Variants in NLRP10 observed in about 807,000 individuals in gnomAD.
NLRP10 encodes the protein NLR family pyrin domain containing 10.
NLRP10 carries 7 observed loss-of-function variants against 8.2 expected under a neutral mutation model. The observed-to-expected ratio is 0.85, with a 90% confidence interval of 0.48 to 1.60. The LOEUF (loss-of-function observed/expected upper bound fraction) is 1.60. Ranked by LOEUF, NLRP10 falls within the 40% of genes most tolerant of loss-of-function variation. NLRP10 has a pLI of 0.00. For synonymous variants in NLRP10, 338 were observed against 314.0 expected (o/e 1.08, Z -0.81); for missense variants, 814 against 776.3 (o/e 1.05, Z -0.58).
rs767966692 is a variant in NLRP10, at chr11:7,960,982, T to C, written c.630A>G (p.Glu210=). Residue 210 remains glutamate (E), a synonymous_variant, in exon 3 of 3, where the codon GAA becomes GAG. Transcript: ENST00000691676. ...GTTTGCTCTCCAGCAGCAGGACCAC[T>C]TCTTTGCAGCTTACATAAAAGACAT... ...FDYVFYVSCK[E]VVLLLESKLE... 2 of 1,614,038 alleles carry C rather than the reference T, an allele frequency of 1.2e-6. No individual in the cohort carries two copies. Among genetic ancestry groups the C allele is most frequent in the African/African-American group, 2.7e-5 (2 of 74,922 alleles).
rs78633439 is a variant in NLRP10 at position 7,965,440 on chromosome 11, C to T, written c.-240G>A. Reference sequence around the variant, plus strand: ...TTCTGTTTGGTGGTGCTGGTACCTACCAGCTACAGCTTGATACCTAACAGT... The same window carrying T: ...TTCTGTTTGGTGGTGCTGGTACCTATCAGCTACAGCTTGATACCTAACAGT... On this transcript the variant is annotated 5_prime_UTR_variant, in exon 1 of 3. Coordinates refer to ENST00000691676, the MANE Select transcript of NLRP10 (RefSeq NM_001391958.1). 3,989 of 152,244 alleles carry T rather than the reference C, an allele frequency of 0.026. 89 individuals are homozygous for T. Among genetic ancestry groups the T allele is most frequent in the Non-Finnish European group, 0.038 (2,570 of 68,038 alleles). The allele number at this position is 152,244 out of a possible 1,614,324, so 9.4% of individuals were successfully genotyped here. A position where few individuals can be genotyped will look rare whatever the true frequency, so the allele number is the denominator to read the frequency against.
rs1314692569 is a variant in NLRP10 at position 7,960,917 on chromosome 11, G to A, written c.695C>T (p.Ala232Val). Residue 232 changes from alanine to valine, a missense_variant, in exon 3 of 3, where the codon GCC (alanine) becomes GTC (valine). Physicochemically the swap from Ala to Val is moderately conservative, Grantham distance 64. Coordinates refer to ENST00000691676, the MANE Select transcript of NLRP10 (RefSeq NM_001391958.1). ...CTGCCTCAGAATCTCTGTGACAGGG[G>A]CTTGATTGTCCCCGCAGCACCAGAA... ...LLFWCCGDNQ[A>V]PVTEILRQPE... The A allele has an allele frequency of 1.2e-6, 2 of 1,614,148 alleles. No homozygotes were observed. The highest frequency in any genetic ancestry group is 1.3e-5 in the African/African-American group (1 of 75,038).
At chr11:7,964,446 G>A (rs991168607) in intron 1 of NLRP10, among the ~76,000 whole-genome samples, 1 of 152,206 alleles carries the variant, frequency 6.6e-6, no homozygotes, top group African/African-American at 2.4e-5. Context: ...ATAGGAAGAG[G>A]AACCGCCACC....
In NLRP10 at chr11:7,959,703, C is replaced by T; in HGVS notation, c.1909G>A (p.Glu637Lys). The part of the protein sequence containing the change: ...GKDNIAGTQK[E>K]ASTGKGRGTE... The stretch of plus-strand genomic sequence containing the variant: ...CCTCTGCCTTTTCCAGTAGAAGCTT[C>T]CTTTTGTGTTCCTGCTATATTATCT... Residue 637 changes from glutamate to lysine, a missense_variant, in exon 3 of 3, where the codon GAA becomes AAA. Transcript: ENST00000691676. 6.3e-7 allele frequency: 1 copy of T among 1,598,792 alleles called. No homozygotes were observed. The highest frequency in any genetic ancestry group is 8.5e-7 in the Non-Finnish European group (1 of 1,176,434).
Position 7,960,236 on chromosome 11 carries a change from T to C in NLRP10, c.1376A>G (p.Lys459Arg). 2.5e-6 allele frequency: 4 copies of C among 1,614,190 alleles called. No individual in the cohort carries two copies. Among genetic ancestry groups the C allele is most frequent in the South Asian group, 1.1e-5 (1 of 91,090 alleles). ...GATGTGGCGGAAGCTGTAGAACTTCTTGATGGCAAGTCCCAATTGGTAGTC... is the reference window on the plus strand; with the variant it reads ...GATGTGGCGGAAGCTGTAGAACTTCCTGATGGCAAGTCCCAATTGGTAGTC... ...SNDYQLGLAI[K>R]KFYSFRHISF... The change falls in exon 3 of 3, where the codon AAG (lysine) becomes AGG (arginine). Residue 459 changes from lysine (K) to arginine (R), a missense_variant. Physicochemically the swap from Lys to Arg is conservative, Grantham distance 26. Transcript: ENST00000691676.
In NLRP10 at chr11:7,961,114, TG is replaced by T; in HGVS notation, c.497del (p.Pro166HisfsTer3). 1 of 1,614,120 alleles carries T rather than the reference TG, an allele frequency of 6.2e-7. No homozygotes were observed. Among genetic ancestry groups the T allele is most frequent in the East Asian group, 2.2e-5 (1 of 44,866 alleles). Reference sequence around the variant, plus strand: ...CCGACCCCTGTAGCACAACTAAGGATGGGGCCAGTGAGGGCTTTTCCCCTGA... The same window carrying T: ...CCGACCCCTGTAGCACAACTAAGGATGGGCCAGTGAGGGCTTTTCCCCTGA... ...FDSGEKPSLA[P>X]SLVVLQGSAG... On this transcript the variant is annotated frameshift_variant, in exon 3 of 3. Transcript: ENST00000691676. LOFTEE classifies it low-confidence loss of function (END_TRUNC).
Position 7,958,446 on chromosome 11 carries a change from T to C in NLRP10, c.*1198A>G, listed in dbSNP as rs1284041476. Among the ~76,000 whole-genome samples, 1 of 152,206 alleles carries C rather than the reference T, an allele frequency of 6.6e-6. No homozygotes were observed. The highest frequency in any genetic ancestry group is 1.5e-5 in the Non-Finnish European group (1 of 68,030). Reference sequence around the variant, plus strand: ...GGGGTGTCATGGTATCTTATTGTGGTTTTAGTTTGCAATTCCCTAATGACA... The same window carrying C: ...GGGGTGTCATGGTATCTTATTGTGGCTTTAGTTTGCAATTCCCTAATGACA... On this transcript the variant is annotated 3_prime_UTR_variant, in exon 3 of 3. Transcript: ENST00000691676.
At chr11:7,964,308 G>A (rs1941783285) in intron 1 of NLRP10, among the ~76,000 whole-genome samples, 1 of 152,180 alleles carries the variant, frequency 6.6e-6, no homozygotes, top group Non-Finnish European at 1.5e-5. Context: ...GCTGTGGTAT[G>A]GCAAGAAGGT....
At position 7,957,823 on chromosome 11, in the gene NLRP10, C is replaced by A. The variant is rs185454765; in HGVS notation, c.*1821G>T. Among the ~76,000 whole-genome samples the A allele has an allele frequency of 3.7e-3, 559 of 152,300 alleles. 2 individuals carry two copies. Among genetic ancestry groups the A allele is most frequent in the African/African-American group, 0.012 (493 of 41,568 alleles). On this transcript the variant is annotated 3_prime_UTR_variant, in exon 3 of 3. Coordinates refer to ENST00000691676, the MANE Select transcript of NLRP10 (RefSeq NM_001391958.1). ...TCATGACTCCATCATTATAATATCA[C>A]ACAGAATAGTTTTACTATCCTAAAG...
In NLRP10 at chr11:7,958,047, T is replaced by G. The variant is rs144431689; in HGVS notation, c.*1597A>C. On this transcript the variant is annotated 3_prime_UTR_variant, in exon 3 of 3. Coordinates refer to ENST00000691676, the MANE Select transcript of NLRP10 (RefSeq NM_001391958.1). The stretch of plus-strand genomic sequence containing the variant: ...TCTCCATATCTTTTCATGTCTTAAT[T>G]GCTCATTTATTTTTATCACTGAATA... Among the ~76,000 whole-genome samples, 565 of 152,354 alleles carry G rather than the reference T, an allele frequency of 3.7e-3. 5 individuals are homozygous for G. The highest frequency in any genetic ancestry group is 0.013 in the African/African-American group (529 of 41,588).
chr11:7,961,668 T>A (rs1941733674), intron 2 of NLRP10, among the ~76,000 whole-genome samples: 1 of 152,204 alleles, frequency 6.6e-6, no homozygotes, highest in African/African-American at 2.4e-5. Context: ...TCTGTAAGAA[T>A]ACATGTAAGT....
At position 7,960,869 on chromosome 11, in the gene NLRP10, A is replaced by G; in HGVS notation, c.743T>C (p.Leu248Pro). Residue 248 changes from leucine (L) to proline (P), a missense_variant, in exon 3 of 3, where the codon CTG (leucine) becomes CCG (proline). Coordinates refer to ENST00000691676, the MANE Select transcript of NLRP10 (RefSeq NM_001391958.1). ...CCTCTGCAGCTCATCAAAGCCATCC[A>G]GGATGAACAGGAGCCGCTCTGGCTG... Reference protein sequence around the residue: ...LRQPERLLFILDGFDELQRPF... With the variant: ...LRQPERLLFIPDGFDELQRPF... 1 of 1,614,168 alleles carries G rather than the reference A, an allele frequency of 6.2e-7. No homozygotes were observed. The highest frequency in any genetic ancestry group is 1.1e-5 in the South Asian group (1 of 91,076).
rs865910278 is a variant in NLRP10 at position 7,960,439 on chromosome 11, G to A, written c.1173C>T (p.Thr391=). The A allele has an allele frequency of 6.2e-7, 1 of 1,614,048 alleles. No homozygotes were observed. The highest frequency in any genetic ancestry group is 8.5e-7 in the Non-Finnish European group (1 of 1,180,038). ...STDIFMAYVS[T]FLPPDDDGGC... is the part of the protein sequence containing the mutation. ...CCCCATCATCATCGGGCGGCAGAAA[G>A]GTGGAGACGTAAGCCATGAAGATGT... The change falls in exon 3 of 3, where the codon ACC becomes ACT. Residue 391 remains threonine (T), a synonymous_variant. Coordinates refer to ENST00000691676, the MANE Select transcript of NLRP10 (RefSeq NM_001391958.1).
intron 1 of NLRP10, 21 bp from the exon 2 acceptor site, chr11:7,963,561 A>T: frequency 6.8e-7 from 1 of 1,465,828 alleles, no homozygotes; most frequent in Non-Finnish European, 9.3e-7. Flanking sequence ...AGGCAAAAGG[A>T]GAGGTCCACT....
chr11:7,960,423 C>G lies in NLRP10; in HGVS notation c.1189G>C (p.Asp397His), dbSNP rs1941694937. 1 of 1,614,098 alleles carries G rather than the reference C, an allele frequency of 6.2e-7. No homozygotes were observed. Among genetic ancestry groups the G allele is most frequent in the Admixed American group, 1.7e-5 (1 of 60,032 alleles). The change falls in exon 3 of 3, where the codon GAT becomes CAT. Residue 397 changes from aspartate to histidine, a missense_variant. Asp to His is a moderately conservative substitution (Grantham distance 81). Transcript: ENST00000691676. Reference sequence around the variant, plus strand: ...GAAAGCTCGGAGCAGCCCCCATCATCATCGGGCGGCAGAAAGGTGGAGACG... The same window carrying G: ...GAAAGCTCGGAGCAGCCCCCATCATGATCGGGCGGCAGAAAGGTGGAGACG... ...AYVSTFLPPD[D>H]DGGCSELSRH...
rs148579969 is a variant in NLRP10 at position 7,959,583 on chromosome 11, AT to A, written c.*60del. The A allele has an allele frequency of 0.17, 138,574 of 816,372 alleles. 12,367 individuals carry two copies. Among genetic ancestry groups the A allele is most frequent in the South Asian group, 0.27 (13,391 of 49,920 alleles). 50.6% of individuals were successfully genotyped at this position (816,372 alleles called of 1,614,324 possible). A position where few individuals can be genotyped will look rare whatever the true frequency, so the allele number is the denominator to read the frequency against. ...TTCCCATTCATTTACAGCTTCTTTG[AT>A]TTCTTTCCTCAGAGTGTTGTCATTT... On this transcript the variant is annotated 3_prime_UTR_variant, in exon 3 of 3. Transcript: ENST00000691676.
intron 1 of NLRP10, among the ~76,000 whole-genome samples, chr11:7,964,391 G>A (rs1195154470): frequency 6.6e-6 from 1 of 152,220 alleles, no homozygotes; most frequent in African/African-American, 2.4e-5. Context: ...GGATTGCAAA[G>A]CTAGAAGTCT....
chr11:7,962,253 T>TTTTTTTTTTTG (rs1941745038), intron 2 of NLRP10, among the ~76,000 whole-genome samples: 1 of 135,616 alleles, frequency 7.4e-6, no homozygotes, highest in African/African-American at 3.0e-5. Context: ...TTTTTTTTTT[T>TTTTTTTTTTTG]GAGATGGAGT....
rs1941645943 is a variant in NLRP10 at position 7,957,887 on chromosome 11, C to CT, written c.*1756dup. Among the ~76,000 whole-genome samples the CT allele has an allele frequency of 6.6e-6, 1 of 152,178 alleles. No individual in the cohort carries two copies. The highest frequency in any genetic ancestry group is 6.5e-5 in the Admixed American group (1 of 15,284). ...ACCTGGTTATCTCTCCCTGACTCTC[C>CT]TTGAACCCCTGACAACCACTGATTT... On this transcript the variant is annotated 3_prime_UTR_variant, in exon 3 of 3. Transcript: ENST00000691676.
Sources: allele counts gnomAD v4.1 joint callset (sites outside exome capture counted in the v4.1 genomes callset), GRCh38; gene constraint gnomAD v4.1.1; transcripts MANE v1.5; gene names NCBI Gene and HGNC (gene_info 2026-07-23, HGNC 2026-07-21).